Variants in ABCB8 observed in about 807,000 individuals in gnomAD.
The protein encoded by ABCB8 is ATP binding cassette subfamily B member 8.
A neutral mutation model predicts 73.0 loss-of-function variants in ABCB8; 52 were observed. That is an observed-to-expected ratio of 0.71 (90% confidence interval 0.57 to 0.90). The LOEUF is 0.90. Among genes scored for constraint, ABCB8 ranks in the 40% least tolerant of loss-of-function variants. ABCB8 has a pLI of 0.00. For missense variants in ABCB8, 909 were observed against 974.6 expected (o/e 0.93, Z 0.90); for synonymous variants, 428 against 423.5 (o/e 1.01, Z -0.13).
chr7:151,041,069 G>T (rs1796448031), intron 12 of ABCB8, 30 bp from the exon 13 acceptor site: 5 of 1,613,542 alleles, frequency 3.1e-6, no homozygotes, highest in Non-Finnish European at 4.2e-6. Flanking sequence ...AGAATCCCTG[G>T]CCTCCCTCCC....
At chr7:151,039,641 T>C (rs1796403112) in intron 9 of ABCB8, 1 of 152,260 alleles carries the variant, frequency 6.6e-6, no homozygotes. Flanking sequence ...TGAGAAAAAT[T>C]TTTTTCAGGG....
rs369640034 is a variant in ABCB8 at position 151,028,473 on chromosome 7, G to T, written c.-43G>T. Reference sequence around the variant, plus strand: ...ACATAGAGCCCTCAGTGGGATGAGGGTGAAACTGCTATTGCCGGCGGCTCC... The same window carrying T: ...ACATAGAGCCCTCAGTGGGATGAGGTTGAAACTGCTATTGCCGGCGGCTCC... On this transcript the variant is annotated 5_prime_UTR_variant, in exon 1 of 16. Coordinates refer to ENST00000358849, the MANE Select transcript of ABCB8 (RefSeq NM_007188.5). 6.3e-7 allele frequency: 1 copy of T among 1,586,122 alleles called. No individual in the cohort carries two copies. The highest frequency in any genetic ancestry group is 1.3e-5 in the African/African-American group (1 of 74,416).
At chr7:151,043,398 G>C (rs536310815) in intron 14 of ABCB8, among the ~76,000 whole-genome samples, 174 of 147,870 alleles carry the variant, frequency 1.2e-3, no homozygotes, top group African/African-American at 4.2e-3. Flanking sequence ...AGTGTGGGGT[G>C]GGGGGTCAGA....
In ABCB8 at chr7:151,036,149, C is replaced by T. The variant is rs1284513276; in HGVS notation, c.1090C>T (p.Leu364Phe). Reference protein sequence around the residue: ...LGRGIALFQGLSNIAFNCMVL... With the variant: ...LGRGIALFQGFSNIAFNCMVL... ...CCGCGGCATCGCCTTGTTCCAAGGG[C>T]TTTCCAACATCGCCTTCAACTGTGA... The change falls in exon 8 of 16, where the codon CTT becomes TTT. Residue 364 changes from leucine to phenylalanine, a missense_variant. By Grantham distance (22) the Leu-to-Phe change is conservative. Coordinates refer to ENST00000358849, the MANE Select transcript of ABCB8 (RefSeq NM_007188.5). 6.2e-7 allele frequency: 1 copy of T among 1,610,774 alleles called. No individual in the cohort carries two copies. Among genetic ancestry groups the T allele is most frequent in the Admixed American group, 1.7e-5 (1 of 59,918 alleles).
At chr7:151,039,919 G>A (rs2117229973) in intron 9 of ABCB8, 1 of 243,418 alleles carries the variant, frequency 4.1e-6, no homozygotes, top group Non-Finnish European at 7.9e-6. Flanking sequence ...TGATATCACC[G>A]CTGCATGTGT....
rs1172406993 is a variant in ABCB8, at chr7:151,046,874, C to T, written c.*1525C>T. The T allele has an allele frequency of 6.6e-6, 1 of 152,234 alleles. No individual in the cohort carries two copies. Among genetic ancestry groups the T allele is most frequent in the Non-Finnish European group, 1.5e-5 (1 of 68,046 alleles). 9.4% of individuals were successfully genotyped at this position (152,234 alleles called of 1,614,324 possible). A position where few individuals can be genotyped will look rare whatever the true frequency, so the allele number is the denominator to read the frequency against. On this transcript the variant is annotated 3_prime_UTR_variant, in exon 16 of 16. Transcript: ENST00000358849. The stretch of plus-strand genomic sequence containing the variant: ...TTAGAACTAGATGGTGCTTTGGGGA[C>T]AAGCCATCCAAAAACCCCAGGCCCA...
At position 151,047,744 on chromosome 7, in the gene ABCB8, T is replaced by C. The variant is rs1020897419; in HGVS notation, c.*2395T>C. On this transcript the variant is annotated 3_prime_UTR_variant, in exon 16 of 16. Transcript: ENST00000358849. ...ACTGGACACCCCCAGTGCCCATCAGTGGGGGAGTCATTAAATAAACTATGG... is the reference window on the plus strand; with the variant it reads ...ACTGGACACCCCCAGTGCCCATCAGCGGGGGAGTCATTAAATAAACTATGG... The C allele has an allele frequency of 1.3e-5, 2 of 152,208 alleles. No individual in the cohort carries two copies. The highest frequency in any genetic ancestry group is 3.8e-4 in the East Asian group (2 of 5,196). The allele number at this position is 152,208 out of a possible 1,614,324, so 9.4% of individuals were successfully genotyped here.
At chr7:151,036,521 C>G in intron 8 of ABCB8, 23 bp from the exon 9 acceptor site, 74 of 1,582,382 alleles carry the variant, frequency 4.7e-5, no homozygotes, top group Non-Finnish European at 5.7e-5. Context: ...GCTTCGTCCT[C>G]CCTCACTTCC....
chr7:151,045,150 A>T, intron 15 of ABCB8, 59 bp from the exon 16 acceptor site: 2 of 1,466,206 alleles, frequency 1.4e-6, no homozygotes, highest in East Asian at 5.2e-5. Flanking sequence ...CAGCTCTCTG[A>T]GGGTTCTGAA....
chr7:151,029,049 C>T, intron 1 of ABCB8: 2 of 1,112,684 alleles, frequency 1.8e-6, no homozygotes, highest in Non-Finnish European at 2.3e-6. Flanking sequence ...ATAGGCCGGG[C>T]GCGGTGGCTC....
rs769957873 is a variant in ABCB8 at position 151,033,589 on chromosome 7, C to G, written c.96-16C>G. ...AGTCGGAGCCTCAAGCCATCCATGC[C>G]TCTCTCTCCTTACAGGTACTCTGAT... On this transcript the variant is annotated splice_polypyrimidine_tract_variant and intron_variant, in intron 1 of 15. Coordinates refer to ENST00000358849, the MANE Select transcript of ABCB8 (RefSeq NM_007188.5). 3.3e-6 allele frequency: 5 copies of G among 1,536,604 alleles called. No individual in the cohort carries two copies. The highest frequency in any genetic ancestry group is 4.4e-6 in the Non-Finnish European group (5 of 1,138,930).
chr7:151,041,965 C>T lies in ABCB8; in HGVS notation c.1622C>T (p.Pro541Leu), dbSNP rs1177928101. The T allele has an allele frequency of 1.9e-6, 3 of 1,612,538 alleles. No homozygotes were observed. Among genetic ancestry groups the T allele is most frequent in the Non-Finnish European group, 8.5e-7 (1 of 1,179,974 alleles). Residue 541 changes from proline (P) to leucine (L), a missense_variant, in exon 14 of 16, where the codon CCC (proline) becomes CTC (leucine). Pro to Leu is a moderately conservative substitution (Grantham distance 98). Transcript: ENST00000358849. Reference sequence around the variant, plus strand: ...TCCATAACCCCTCACCCACAGGAGCCCGTCCTGTTTGGGACGACCATCATG... The same window carrying T: ...TCCATAACCCCTCACCCACAGGAGCTCGTCCTGTTTGGGACGACCATCATG... ...GQVVGFISQE[P>L]VLFGTTIMEN... is the part of the protein sequence containing the mutation.
In ABCB8 at chr7:151,040,941, C is replaced by G. The variant is rs766307577; in HGVS notation, c.1483+19C>G. ...GGCGGAGGTAAGGGGAGCCCACCAC[C>G]TCTTCACCCTCTGACTCTTCTCTAG... On this transcript the variant is annotated intron_variant, in intron 12 of 15. Transcript: ENST00000358849. 5 of 1,597,722 alleles carry G rather than the reference C, an allele frequency of 3.1e-6. No individual in the cohort carries two copies. Among genetic ancestry groups the G allele is most frequent in the Non-Finnish European group, 4.3e-6 (5 of 1,171,744 alleles).
chr7:151,043,812 C>T (rs1341460693), intron 14 of ABCB8, among the ~76,000 whole-genome samples, 159 bp from the exon 15 acceptor site: 1 of 112,640 alleles, frequency 8.9e-6, no homozygotes, highest in Non-Finnish European at 1.8e-5. Context: ...GAGGAGGATG[C>T]ACAGTGCGGG....
intron 9 of ABCB8, chr7:151,039,989 G>A (rs1796411423): frequency 2.2e-6 from 1 of 449,848 alleles, no homozygotes; most frequent in Non-Finnish European, 4.0e-6. Context: ...ACAGAGGCCT[G>A]TGCCTTCACT....
intron 6 of ABCB8, 42 bp downstream of exon 6, chr7:151,035,784 G>GT (rs779562272): frequency 6.2e-7 from 1 of 1,610,272 alleles, no homozygotes; most frequent in Non-Finnish European, 8.5e-7. Flanking sequence ...TCCCCACACC[G>GT]TTTCTCTTTC....
chr7:151,034,566 A>G lies in ABCB8; in HGVS notation c.626A>G (p.Asp209Gly). The change falls in exon 4 of 16, where the codon GAC becomes GGC. Residue 209 changes from aspartate to glycine, a missense_variant. Transcript: ENST00000358849. Reference sequence around the variant, plus strand: ...CACGTTGGCGAGCGCATGGCTGTGGACATGCGGAGGGCCCTCTTCAGCTCC... The same window carrying G: ...CACGTTGGCGAGCGCATGGCTGTGGGCATGCGGAGGGCCCTCTTCAGCTCC... ...LSHVGERMAV[D>G]MRRALFSSLL... 2.5e-6 allele frequency: 4 copies of G among 1,613,634 alleles called. 1 individual carries two copies. The highest frequency in any genetic ancestry group is 1.7e-6 in the Non-Finnish European group (2 of 1,179,986).
rs1392109361 is a variant in ABCB8, at chr7:151,033,750, C to A, written c.241C>A (p.Pro81Thr). The change falls in exon 2 of 16, where the codon CCC (proline) becomes ACC (threonine). Residue 81 changes from proline to threonine, a missense_variant. Coordinates refer to ENST00000358849, the MANE Select transcript of ABCB8 (RefSeq NM_007188.5). Reference protein sequence around the residue: ...WCWVGGALLGPMVLSKHPHLC... With the variant: ...WCWVGGALLGTMVLSKHPHLC... ...CTGGGTTGGGGGAGCCCTGCTAGGC[C>A]CCATGGTACTGAGTAAGCATCCCCA... is the stretch of plus-strand genomic sequence containing the variant. 1.9e-6 allele frequency: 3 copies of A among 1,614,026 alleles called. No homozygotes were observed. In the African/African-American group the frequency reaches 4.0e-5, roughly 22 times the overall value.
intron 9 of ABCB8, chr7:151,037,082 C>A: frequency 1.4e-6 from 1 of 697,846 alleles, no homozygotes. Flanking sequence ...GGAAACTATC[C>A]CCATGACATG....
Sources: allele counts gnomAD v4.1 joint callset (sites outside exome capture counted in the v4.1 genomes callset), GRCh38; gene constraint gnomAD v4.1.1; transcripts MANE v1.5; gene names NCBI Gene and HGNC (gene_info 2026-07-23, HGNC 2026-07-21).